ATP10A: variants seen among roughly 807,000 people sequenced by gnomAD.
The protein encoded by ATP10A is ATPase phospholipid transporting 10A (putative), also known as phospholipid-transporting ATPase VA.
Under a neutral mutation model 147.8 loss-of-function variants are expected in ATP10A, and 111 were observed. The ratio of observed to expected loss-of-function variants is 0.75; its 90% CI spans 0.64 to 0.88. The LOEUF is 0.88. Ranked by LOEUF, ATP10A falls within the 40% of genes least tolerant of loss-of-function variation. The probability of loss-of-function intolerance (pLI) is 0.00; values close to 1 mark genes in which losing one functional copy is unlikely to be tolerated. For synonymous variants in ATP10A, 875 were observed against 841.6 expected (o/e 1.04, Z -0.69); for missense variants, 1,927 against 1,959.0 (o/e 0.98, Z 0.31).
At chr15:25,860,942 T>C (rs1893731346) in intron 1 of ATP10A, among the ~76,000 whole-genome samples, 1 of 152,148 alleles carries the variant, frequency 6.6e-6, no homozygotes, top group African/African-American at 2.4e-5. Flanking sequence ...CAGGAAGTGG[T>C]ATCTGTGCAA....
chr15:25,674,174 A>G (rs1000136014), downstream of ATP10A, among the ~76,000 whole-genome samples: 1 of 152,158 alleles, frequency 6.6e-6, no homozygotes, highest in Non-Finnish European at 1.5e-5. Context: ...GAGGGCAAAG[A>G]AGAAGCTCAC....
At position 25,863,038 on chromosome 15, in the gene ATP10A, C is replaced by A. The variant is rs772102649; in HGVS notation, c.59G>T (p.Arg20Leu). 193 of 1,273,214 alleles carry A rather than the reference C, an allele frequency of 1.5e-4. 2 individuals carry two copies. In the East Asian group the frequency reaches 6.3e-3, roughly 41 times the overall value. The allele number at this position is 1,273,214 out of a possible 1,614,324, so 78.9% of individuals were successfully genotyped here. Residue 20 changes from arginine (R) to leucine (L), a missense_variant, in exon 1 of 21, where the codon CGA (arginine) becomes CTA (leucine). By Grantham distance (102) the Arg-to-Leu change is moderately radical (BLOSUM62 -2). Transcript: ENST00000555815. Reference sequence around the variant, plus strand: ...GCGCACCGTGCGCGTCCTGCCCTCTCGGCGCCTCCGCCGTCCCGGAGGCCC... The same window carrying A: ...GCGCACCGTGCGCGTCCTGCCCTCTAGGCGCCTCCGCCGTCCCGGAGGCCC... The part of the protein sequence containing the change: ...EPGPPGRRRR[R>L]EGRTRTVRSN...
chr15:25,763,560 T>C (rs1325365700), intron 2 of ATP10A, among the ~76,000 whole-genome samples: 1 of 152,200 alleles, frequency 6.6e-6, no homozygotes, highest in Non-Finnish European at 1.5e-5. Context: ...TTAAAGATTG[T>C]TTCTGTGAAT....
intron 2 of ATP10A, among the ~76,000 whole-genome samples, chr15:25,745,845 T>C (rs1887820625): frequency 1.3e-5 from 2 of 152,184 alleles, no homozygotes; most frequent in Non-Finnish European, 2.9e-5. Flanking sequence ...CAAAGATGCA[T>C]GTTGTAATCT....
At chr15:25,770,909 G>A (rs970059388) in intron 2 of ATP10A, among the ~76,000 whole-genome samples, 10 of 152,164 alleles carry the variant, frequency 6.6e-5, no homozygotes, top group Non-Finnish European at 8.8e-5. Context: ...ATAAACATCT[G>A]AGCTCCCACC....
intron 1 of ATP10A, among the ~76,000 whole-genome samples, chr15:25,790,546 C>G (rs1890365668): frequency 6.6e-6 from 1 of 152,164 alleles, no homozygotes; most frequent in Non-Finnish European, 1.5e-5. Context: ...GTCTCTCAGC[C>G]CAGAGAAAGT....
At chr15:25,782,808 C>G (rs1368021293) in intron 1 of ATP10A, among the ~76,000 whole-genome samples, 1 of 152,104 alleles carries the variant, frequency 6.6e-6, no homozygotes, top group Non-Finnish European at 1.5e-5. Flanking sequence ...AGTGGAGGAA[C>G]ATAAATTTAT....
chr15:25,748,475 C>G (rs1287121148), intron 2 of ATP10A, among the ~76,000 whole-genome samples: 2 of 151,954 alleles, frequency 1.3e-5, no homozygotes, highest in Non-Finnish European at 2.9e-5. Context: ...TCTTAGCAGG[C>G]TACGAATAAA....
chr15:25,799,728 G>T (rs537142119), intron 1 of ATP10A, among the ~76,000 whole-genome samples: 80 of 152,176 alleles, frequency 5.3e-4, no homozygotes, highest in Admixed American at 9.2e-4. Flanking sequence ...GCAGGACCCT[G>T]TCTCAAAATA....
rs768204678 is a variant in ATP10A at position 25,679,829 on chromosome 15, G to C, written c.4012C>G (p.His1338Asp). ...GRLPKDSGTE[H>D]SSGRTVKTSV... The stretch of plus-strand genomic sequence containing the variant: ...GTCTTGACTGTCCTCCCTGATGAGT[G>C]CTCGGTTCCCGAGTCCTTCGGGAGG... Residue 1338 changes from histidine (H) to aspartate (D), a missense_variant, in exon 21 of 21, where the codon CAC (histidine) becomes GAC (aspartate). By Grantham distance (81) the His-to-Asp change is moderately conservative. Transcript: ENST00000555815. The C allele has an allele frequency of 5.6e-6, 9 of 1,611,708 alleles. No homozygotes were observed. Among genetic ancestry groups the C allele is most frequent in the African/African-American group, 2.7e-5 (2 of 74,926 alleles).
chr15:25,811,834 C>A (rs973962343), intron 1 of ATP10A, among the ~76,000 whole-genome samples: 2 of 152,194 alleles, frequency 1.3e-5, no homozygotes, highest in Admixed American at 1.3e-4. Flanking sequence ...TCCCATCACG[C>A]ACCTGTCCAA....
intron 1 of ATP10A, among the ~76,000 whole-genome samples, chr15:25,845,253 T>C (rs1892965433): frequency 6.6e-6 from 1 of 152,056 alleles, no homozygotes; most frequent in Non-Finnish European, 1.5e-5. Flanking sequence ...AGTGACATAT[T>C]CAACAAAAGG....
rs938847800 is a variant in ATP10A, at chr15:25,727,146, G to A, written c.847+14C>T. 7 of 1,605,254 alleles carry A rather than the reference G, an allele frequency of 4.4e-6. No homozygotes were observed. Among genetic ancestry groups the A allele is most frequent in the Non-Finnish European group, 6.0e-6 (7 of 1,171,944 alleles). On this transcript the variant is annotated intron_variant, in intron 4 of 20. Coordinates refer to ENST00000555815, the MANE Select transcript of ATP10A (RefSeq NM_024490.4). ...GCTGTCTGGCGGCAGGTGGTGCCAG[G>A]TGCCCGAGCCTACCTGCGTAGATGA...
intron 1 of ATP10A, among the ~76,000 whole-genome samples, chr15:25,795,710 A>T (rs1188843229): frequency 6.6e-6 from 1 of 152,152 alleles, no homozygotes; most frequent in African/African-American, 2.4e-5. Flanking sequence ...AATAATACAC[A>T]CTGGGAAAAT....
intron 2 of ATP10A, among the ~76,000 whole-genome samples, chr15:25,745,849 G>A (rs545590649): frequency 6.6e-6 from 1 of 152,228 alleles, no homozygotes; most frequent in African/African-American, 2.4e-5. Flanking sequence ...GATGCATGTT[G>A]TAATCTCTCA....
At chr15:25,818,545 A>C (rs1338981845) in intron 1 of ATP10A, among the ~76,000 whole-genome samples, 7 of 152,166 alleles carry the variant, frequency 4.6e-5, no homozygotes, top group African/African-American at 1.7e-4. Flanking sequence ...CCATCTACAG[A>C]TTCAAAGCAA....
intron 1 of ATP10A, among the ~76,000 whole-genome samples, chr15:25,798,244 A>C (rs1431398446): frequency 6.6e-6 from 1 of 152,120 alleles, no homozygotes; most frequent in Admixed American, 6.5e-5. Context: ...AGTCTCCTGG[A>C]GGCGAATCAA....
chr15:25,824,078 A>C (rs1034437439), intron 1 of ATP10A, among the ~76,000 whole-genome samples: 5 of 152,172 alleles, frequency 3.3e-5, no homozygotes, highest in African/African-American at 1.2e-4. Context: ...CTTACTAAAA[A>C]TTTGCTACAA....
chr15:25,852,061 C>T (rs914895898), intron 1 of ATP10A, among the ~76,000 whole-genome samples: 5 of 152,150 alleles, frequency 3.3e-5, no homozygotes, highest in African/African-American at 1.2e-4. Context: ...GTAGCCCACC[C>T]TCTCTGCATT....
Sources: allele counts gnomAD v4.1 joint callset (sites outside exome capture counted in the v4.1 genomes callset), GRCh38; gene constraint gnomAD v4.1.1; transcripts MANE v1.5; gene names NCBI Gene and HGNC (gene_info 2026-07-23, HGNC 2026-07-21).